HMCN2: variants seen among roughly 807,000 people sequenced by gnomAD.
The protein encoded by HMCN2 is hemicentin 2, also known as hemicentin-2.
HMCN2 carries 325 observed loss-of-function variants against 377.5 expected under a neutral mutation model. That is an observed-to-expected ratio of 0.86 (90% CI 0.79 to 0.94). The LOEUF (loss-of-function observed/expected upper bound fraction) is 0.94. HMCN2 is among the 40% of genes least tolerant of loss of function. The pLI is 0.00. For missense variants in HMCN2, 4,543 were observed against 4,725.3 expected (o/e 0.96, Z 1.13); for synonymous variants, 2,007 against 2,046.8 (o/e 0.98, Z 0.53).
Position 130,403,223 on chromosome 9 carries a change from G to A in HMCN2, c.11908G>A (p.Val3970Met), listed in dbSNP as rs529803970. ...ASPVVKPLPS[V>M]VRAVAEEEVL... The stretch of plus-strand genomic sequence containing the variant: ...CCCGGTGGTGAAGCCGCTGCCCAGC[G>A]TGGTTCGGGCAGTGGCAGAGGAGGA... Residue 3970 changes from valine (V) to methionine (M), a missense_variant, in exon 79 of 98, where the codon GTG becomes ATG. Coordinates refer to ENST00000683500, the MANE Select transcript of HMCN2 (RefSeq NM_001291815.2). 427 of 1,289,752 alleles carry A rather than the reference G, an allele frequency of 3.3e-4. 1 individual carries two copies. The South Asian group carries it at 4.8e-3, about 14-fold the overall frequency. The allele number at this position is 1,289,752 out of a possible 1,614,324, so 79.9% of individuals were successfully genotyped here.
At chr9:130,268,809 T>G (rs1588146155) in intron 1 of HMCN2, among the ~76,000 whole-genome samples, 2 of 144,262 alleles carry the variant, frequency 1.4e-5, no homozygotes, top group Admixed American at 6.9e-5. Context: ...ACGGGAGGAG[T>G]GGAGCGGGAA....
rs1471994522 is a variant in HMCN2, at chr9:130,349,047, C to T, written c.4219C>T (p.Gln1407Ter). Residue 1407 changes from glutamine (Q) to a stop codon, truncating the protein, a stop_gained, in exon 28 of 98, where the codon CAG becomes TAG. Transcript: ENST00000683500. LOFTEE classifies it high-confidence loss of function. ...CCAGTCCCTCCACTTCCCCAGGATC[C>T]AGGAGGGTGATTCTGGGCTCTACTC... ...EGQSLHFPRI[Q>*]EGDSGLYSCR... is the part of the protein sequence containing the mutation. 3 of 1,304,104 alleles carry T rather than the reference C, an allele frequency of 2.3e-6. No individual in the cohort carries two copies. The highest frequency in any genetic ancestry group is 3.0e-6 in the Non-Finnish European group (3 of 988,926). 80.8% of individuals were successfully genotyped at this position (1,304,104 alleles called of 1,614,324 possible).
intron 8 of HMCN2, among the ~76,000 whole-genome samples, chr9:130,300,767 G>C (rs781880572): frequency 2.0e-5 from 3 of 152,206 alleles, no homozygotes; most frequent in Non-Finnish European, 2.9e-5. Flanking sequence ...GTGGCTTTTT[G>C]CTGGTTTCCT....
intron 60 of HMCN2, 68 bp from the exon 61 acceptor site, chr9:130,386,374 CT>C: frequency 1.9e-6 from 2 of 1,040,866 alleles, no homozygotes; most frequent in Non-Finnish European, 2.6e-6. Context: ...GGCCTAGATG[CT>C]TTTGGGGAGC....
chr9:130,423,098 G>A lies in HMCN2; in HGVS notation c.13381+372G>A, dbSNP rs146768254. On this transcript the variant is annotated intron_variant, in intron 87 of 97. Transcript: ENST00000683500. The surrounding 1 kb of genome is among the most constrained non-coding windows in gnomAD (Gnocchi z 5.5). ...AAGCTCAGGCTGATGGAAGTGGAGG[G>A]ATCTCCAGTCATGAGTGAGGGGTGC... 6.2e-3 allele frequency among the ~76,000 whole-genome samples: 949 copies of A among 152,294 alleles called. 12 individuals carry two copies. Among genetic ancestry groups the A allele is most frequent in the African/African-American group, 0.021 (876 of 41,556 alleles).
At position 130,395,094 on chromosome 9, in the gene HMCN2, G is replaced by C. The variant is rs976273227; in HGVS notation, c.10760G>C (p.Arg3587Pro). ...SPAGAIEKSF[R>P]VRVQAPPNIV... Reference sequence around the variant, plus strand: ...GCAGGTGCAATTGAGAAGAGCTTCCGGGTCAGGGTTCAAGGTAGGTGGTGG... The same window carrying C: ...GCAGGTGCAATTGAGAAGAGCTTCCCGGTCAGGGTTCAAGGTAGGTGGTGG... The change falls in exon 70 of 98, where the codon CGG (arginine) becomes CCG (proline). Residue 3587 changes from arginine (R) to proline (P), a missense_variant. Physicochemically the swap from Arg to Pro is moderately radical, Grantham distance 103. Coordinates refer to ENST00000683500, the MANE Select transcript of HMCN2 (RefSeq NM_001291815.2). 7.8e-7 allele frequency: 1 copy of C among 1,286,928 alleles called. No individual in the cohort carries two copies. Among genetic ancestry groups the C allele is most frequent in the Non-Finnish European group, 1.0e-6 (1 of 988,292 alleles). The allele number at this position is 1,286,928 out of a possible 1,614,324, so 79.7% of individuals were successfully genotyped here. A position where few individuals can be genotyped will look rare whatever the true frequency, so the allele number is the denominator to read the frequency against.
intron 25 of HMCN2, among the ~76,000 whole-genome samples, chr9:130,344,783 G>T (rs1839254328): frequency 2.0e-5 from 3 of 149,584 alleles, no homozygotes; most frequent in African/African-American, 7.4e-5. Context: ...GTGTTTGTGT[G>T]TATGGTGTGT....
chr9:130,431,282 A>T, intron 95 of HMCN2, 85 bp from the exon 96 acceptor site: 1 of 1,341,874 alleles, frequency 7.5e-7, no homozygotes, highest in South Asian at 1.4e-5. Flanking sequence ...CCCAGCGGGC[A>T]GGTGTGTGGC....
rs1840923232 is a variant in HMCN2 at position 130,369,916 on chromosome 9, A to G, written c.7069+65A>G. 4.3e-6 allele frequency: 4 copies of G among 926,082 alleles called. No individual in the cohort carries two copies. Among genetic ancestry groups the G allele is most frequent in the Non-Finnish European group, 5.2e-6 (4 of 775,864 alleles). 57.4% of individuals were successfully genotyped at this position (926,082 alleles called of 1,614,324 possible). A position where few individuals can be genotyped will look rare whatever the true frequency, so the allele number is the denominator to read the frequency against. On this transcript the variant is annotated intron_variant, in intron 45 of 97. Transcript: ENST00000683500. The surrounding 1 kb of genome is among the most constrained non-coding windows in gnomAD (Gnocchi z 4.5). The stretch of plus-strand genomic sequence containing the variant: ...GATTAGAGTGGGCAAGGTGGGTTCA[A>G]TCTCCAGGCACGGCCCTCAGGCTGT...
rs879961063 is a variant in HMCN2, at chr9:130,277,715, T to TCAC, written c.260-6873_260-6871dup. Among the ~76,000 whole-genome samples the TCAC allele has an allele frequency of 7.0e-5, 10 of 143,380 alleles. No individual in the cohort carries two copies. In the East Asian group the frequency reaches 8.1e-4, roughly 12 times the overall value. 94.1% of individuals were successfully genotyped at this position (143,380 alleles called of 152,430 possible). On this transcript the variant is annotated intron_variant, in intron 1 of 97. Coordinates refer to ENST00000683500, the MANE Select transcript of HMCN2 (RefSeq NM_001291815.2). The stretch of plus-strand genomic sequence containing the variant: ...ATCATCACCACCACCACCATCATCA[T>TCAC]CACCACCACCACCACCATCATCATC...
At chr9:130,396,371 C>T (rs1386048386) in intron 73 of HMCN2, 58 bp downstream of exon 73, 17 of 1,217,736 alleles carry the variant, frequency 1.4e-5, no homozygotes, top group Non-Finnish European at 1.8e-5. Context: ...TTGTGGGTTG[C>T]AAATCAAACT....
chr9:130,332,654 C>G (rs1838489371), intron 22 of HMCN2, among the ~76,000 whole-genome samples: 1 of 152,240 alleles, frequency 6.6e-6, no homozygotes, highest in Non-Finnish European at 1.5e-5. Context: ...TCAGGCACCT[C>G]CTCCTGAATT....
Position 130,408,763 on chromosome 9 carries a change from G to A in HMCN2, c.12709G>A (p.Glu4237Lys), listed in dbSNP as rs1217860702. Residue 4237 changes from glutamate (E) to lysine (K), a missense_variant, in exon 84 of 98, where the codon GAG becomes AAG. This residue lies in a region of HMCN2 where 1,073 missense variants were observed against 1,319.5 expected (regional missense o/e 0.81). Coordinates refer to ENST00000683500, the MANE Select transcript of HMCN2 (RefSeq NM_001291815.2). Reference protein sequence around the residue: ...HVKEAPVLQGEAFSYLVEPVG... With the variant: ...HVKEAPVLQGKAFSYLVEPVG... ...TGCAGAGGCTCCTGTCCTACAAGGG[G>A]AGGCTTTCTCCTACCTGGTGGAACC... 7.8e-7 allele frequency: 1 copy of A among 1,289,180 alleles called. No homozygotes were observed. Among genetic ancestry groups the A allele is most frequent in the African/African-American group, 1.5e-5 (1 of 65,836 alleles). The allele number at this position is 1,289,180 out of a possible 1,614,324, so 79.9% of individuals were successfully genotyped here. A position where few individuals can be genotyped will look rare whatever the true frequency, so the allele number is the denominator to read the frequency against.
rs926426892 is a variant in HMCN2 at position 130,306,930 on chromosome 9, A to G, written c.2078A>G (p.Tyr693Cys). Residue 693 changes from tyrosine to cysteine, a missense_variant, in exon 13 of 98, where the codon TAC (tyrosine) becomes TGC (cysteine). Tyr to Cys is a radical substitution (Grantham distance 194, BLOSUM62 -2). This residue lies in a region of HMCN2 where 547 missense variants were observed against 189.9 expected (regional missense o/e 2.88). Coordinates refer to ENST00000683500, the MANE Select transcript of HMCN2 (RefSeq NM_001291815.2). ...ACTGACCAGGAGACGGTCACCCTCT[A>G]CTACACAGGTACCCAGGCCACAAGC... ...VGTDQETVTL[Y>C]YTDPPSVSAV... is the part of the protein sequence containing the mutation. 1.3e-5 allele frequency: 6 copies of G among 469,012 alleles called. No homozygotes were observed. In the East Asian group the frequency reaches 2.1e-4, roughly 16 times the overall value. The allele number at this position is 469,012 out of a possible 1,614,324, so 29.1% of individuals were successfully genotyped here. A position where few individuals can be genotyped will look rare whatever the true frequency, so the allele number is the denominator to read the frequency against.
intron 15 of HMCN2, among the ~76,000 whole-genome samples, chr9:130,314,213 G>A (rs1479267914): frequency 2.0e-5 from 3 of 152,146 alleles, no homozygotes; most frequent in Admixed American, 6.5e-5. Flanking sequence ...AAGACTCTCC[G>A]GCCATCCTTT....
At chr9:130,403,623 T>A (rs1842957418) in intron 79 of HMCN2, 118 bp from the exon 80 acceptor site, 1 of 1,098,956 alleles carries the variant, frequency 9.1e-7, no homozygotes, top group Non-Finnish European at 1.2e-6. Flanking sequence ...TGTCCCTTGG[T>A]CATTCTGTGA....
rs1001294338 is a variant in HMCN2, at chr9:130,356,244, G to A, written c.5412G>A (p.Glu1804=). The change falls in exon 34 of 98, where the codon GAG becomes GAA. Residue 1804 remains glutamate, a synonymous_variant. Transcript: ENST00000683500. ...CGGGCACTGCCGGGGCCGAGGTGGA[G>A]GTGTCTGTGCATGGTGAGTGGGCGC... ...NEAGTAGAEV[E]VSVHEFPSVS... 9 of 1,298,816 alleles carry A rather than the reference G, an allele frequency of 6.9e-6. No homozygotes were observed. The African/African-American group carries it at 9.1e-5, about 13-fold the overall frequency. The allele number at this position is 1,298,816 out of a possible 1,614,324, so 80.5% of individuals were successfully genotyped here. A position where few individuals can be genotyped will look rare whatever the true frequency, so the allele number is the denominator to read the frequency against.
intron 1 of HMCN2, among the ~76,000 whole-genome samples, chr9:130,284,295 G>C (rs71501125): frequency 6.6e-6 from 1 of 152,140 alleles, no homozygotes; most frequent in Admixed American, 6.5e-5. Flanking sequence ...GGGGTTCTTA[G>C]GAGAGTCTTG....
chr9:130,395,392 C>T (rs1000640790), intron 71 of HMCN2, 45 bp downstream of exon 71: 3 of 1,257,240 alleles, frequency 2.4e-6, no homozygotes, highest in East Asian at 5.6e-5. Context: ...CTGTCCCGCT[C>T]AGGCCTCAGA....
Sources: gnomAD v4.1 joint callset for allele counts (sites outside exome capture counted in the v4.1 genomes callset) on GRCh38, gnomAD v4.1.1 for gene constraint, gnomAD v4.1.1 regional missense constraint, Gnocchi (gnomAD v3.1) non-coding constraint, MANE v1.5 for transcripts, NCBI Gene and HGNC (gene_info 2026-07-23, HGNC 2026-07-21) for gene names.